ITPR1: variants seen among roughly 807,000 people sequenced by gnomAD.
The protein encoded by ITPR1 is inositol 1,4,5-trisphosphate-gated calcium channel ITPR1.
In ITPR1, 96 loss-of-function variants were observed where a neutral mutation model predicts 318.4. The ratio of observed to expected loss-of-function variants is 0.30; its 90% CI spans 0.26 to 0.36. The LOEUF (loss-of-function observed/expected upper bound fraction) is 0.36. Among genes scored for constraint, ITPR1 ranks in the 10% least tolerant of loss-of-function variants. The pLI, the probability that ITPR1 is intolerant of heterozygous loss-of-function variation, is 1.00. For synonymous variants in ITPR1, 1,312 were observed against 1,289.9 expected, an observed-to-expected ratio of 1.02 and a Z score of -0.37; for missense variants, 2,440 against 3,460.2, an observed-to-expected ratio of 0.71 and a Z score of 7.40.
At chr3:4,647,144 A>G (rs1232888241) in intron 10 of ITPR1, among the ~76,000 whole-genome samples, 1 of 152,092 alleles carries the variant, frequency 6.6e-6, no homozygotes, top group Non-Finnish European at 1.5e-5. Context: ...GGAGTCATAC[A>G]GTATACAGTC....
chr3:4,847,407 A>AAC lies in ITPR1; in HGVS notation c.*1183_*1184insCA, dbSNP rs1331751732. On this transcript the variant is annotated 3_prime_UTR_variant, in exon 62 of 62. Transcript: ENST00000649015. ...GAGAATCTCTCTGCAAAAAAAAAAA[A>AAC]AACAGTTTAAAAATGCATTGAAAGC... is the stretch of plus-strand genomic sequence containing the variant. 1.3e-4 allele frequency: 20 copies of AAC among 152,272 alleles called. No homozygotes were observed. Among genetic ancestry groups the AAC allele is most frequent in the Admixed American group, 9.8e-4 (15 of 15,248 alleles). The allele number at this position is 152,272 out of a possible 1,614,324, so 9.4% of individuals were successfully genotyped here.
intron 4 of ITPR1, among the ~76,000 whole-genome samples, chr3:4,527,126 A>G (rs1410590155): frequency 6.6e-6 from 1 of 152,118 alleles, no homozygotes; most frequent in Non-Finnish European, 1.5e-5. Flanking sequence ...CATGTGACTT[A>G]TGAGTGTCGT....
intron 59 of ITPR1, 107 bp downstream of exon 59, chr3:4,815,325 G>A (rs566823762): frequency 3.0e-6 from 3 of 1,005,894 alleles, no homozygotes; most frequent in East Asian, 2.6e-5. Flanking sequence ...AGTTATGCGG[G>A]AGGGGGCACC....
Position 4,847,199 on chromosome 3 carries a change from T to C in ITPR1, c.*974T>C, listed in dbSNP as rs1240984757. The C allele has an allele frequency of 6.6e-6, 1 of 152,614 alleles. No individual in the cohort carries two copies. Among genetic ancestry groups the C allele is most frequent in the Admixed American group, 6.5e-5 (1 of 15,270 alleles). The allele number at this position is 152,614 out of a possible 1,614,324, so 9.5% of individuals were successfully genotyped here. On this transcript the variant is annotated 3_prime_UTR_variant, in exon 62 of 62. Transcript: ENST00000649015. ...AGTATTAAAACTATATACATCCATA[T>C]AAAGATGAAATATGAACTATCTCAT... is the stretch of plus-strand genomic sequence containing the variant.
intron 46 of ITPR1, 123 bp from the exon 47 acceptor site, chr3:4,775,119 T>G (rs976559603): frequency 3.1e-5 from 24 of 762,294 alleles, no homozygotes; most frequent in Non-Finnish European, 4.9e-5. Context: ...TTCCATGCTC[T>G]CCCACGTGGC....
intron 4 of ITPR1, among the ~76,000 whole-genome samples, chr3:4,620,943 T>G (rs1437162935): frequency 6.6e-6 from 1 of 151,966 alleles, no homozygotes; most frequent in Non-Finnish European, 1.5e-5. Flanking sequence ...TCTGACACCT[T>G]TAAATAACTG....
chr3:4,789,260 C>T (rs78684797), intron 52 of ITPR1, among the ~76,000 whole-genome samples: 17 of 152,198 alleles, frequency 1.1e-4, no homozygotes, highest in African/African-American at 2.7e-4. Flanking sequence ...GCCAGGGGAC[C>T]ATTAGCAGAC....
chr3:4,539,435 G>T (rs891907879), intron 4 of ITPR1, among the ~76,000 whole-genome samples: 4 of 151,918 alleles, frequency 2.6e-5, no homozygotes, highest in African/African-American at 4.8e-5. Context: ...GAGTTTGTTG[G>T]TTTTTTTATC....
chr3:4,554,905 C>T (rs1436853050), intron 4 of ITPR1, among the ~76,000 whole-genome samples: 1 of 152,096 alleles, frequency 6.6e-6, no homozygotes, highest in Non-Finnish European at 1.5e-5. Flanking sequence ...AACTGTTGCT[C>T]ATATATCAAT....
At chr3:4,714,269 G>T (rs1001786491) in intron 39 of ITPR1, among the ~76,000 whole-genome samples, 1 of 152,160 alleles carries the variant, frequency 6.6e-6, no homozygotes, top group African/African-American at 2.4e-5. Context: ...TATAATAAAT[G>T]AGGTGTTCTT....
chr3:4,545,674 C>T (rs2084916875), intron 4 of ITPR1, among the ~76,000 whole-genome samples: 3 of 142,330 alleles, frequency 2.1e-5, no homozygotes, highest in South Asian at 4.5e-4. Flanking sequence ...GTGTTCATAT[C>T]ACGGCTAGTA....
intron 59 of ITPR1, 29 bp downstream of exon 59, chr3:4,815,247 G>T: frequency 6.2e-7 from 1 of 1,610,916 alleles, no homozygotes; most frequent in Non-Finnish European, 8.5e-7. Flanking sequence ...CTCCAGCAAG[G>T]GCGTGAAGGC....
intron 55 of ITPR1, 84 bp from the exon 56 acceptor site, chr3:4,811,181 T>A: frequency 4.2e-6 from 4 of 959,500 alleles, no homozygotes; most frequent in Non-Finnish European, 6.0e-6. Flanking sequence ...GGGCAAACTC[T>A]CTATAAACCA....
chr3:4,504,627 C>T (rs2081272165), intron 2 of ITPR1, among the ~76,000 whole-genome samples: 1 of 152,074 alleles, frequency 6.6e-6, no homozygotes, highest in Non-Finnish European at 1.5e-5. Flanking sequence ...AGGAGGGTGG[C>T]ATTATGTCCA....
chr3:4,546,250 T>A (rs2084985525), intron 4 of ITPR1, among the ~76,000 whole-genome samples: 2 of 152,154 alleles, frequency 1.3e-5, no homozygotes, highest in South Asian at 4.1e-4. Context: ...GCAGAAAGTG[T>A]CTTCTCCAGG....
chr3:4,775,219 AC>A, intron 46 of ITPR1, 22 bp from the exon 47 acceptor site: 2 of 1,585,258 alleles, frequency 1.3e-6, no homozygotes, highest in Non-Finnish European at 1.7e-6. Flanking sequence ...TGCTCACCGA[AC>A]CTGGGGACTA....
At chr3:4,820,270 A>G (rs1358870882) in intron 60 of ITPR1, among the ~76,000 whole-genome samples, 1 of 152,224 alleles carries the variant, frequency 6.6e-6, no homozygotes, top group African/African-American at 2.4e-5. Context: ...CTTAATGTCT[A>G]GAGGAGGCCT....
At chr3:4,576,743 A>G (rs1004658699) in intron 4 of ITPR1, among the ~76,000 whole-genome samples, 1 of 152,230 alleles carries the variant, frequency 6.6e-6, no homozygotes, top group African/African-American at 2.4e-5. Context: ...AAATGAAAAT[A>G]TAATTCTTGA....
At chr3:4,808,796 T>G (rs2048750668) in intron 55 of ITPR1, among the ~76,000 whole-genome samples, 1 of 152,018 alleles carries the variant, frequency 6.6e-6, no homozygotes, top group Non-Finnish European at 1.5e-5. Flanking sequence ...TTGGGAGAGC[T>G]CCCTCCATGC....
Sources: allele counts gnomAD v4.1 joint callset (sites outside exome capture counted in the v4.1 genomes callset), GRCh38; gene constraint gnomAD v4.1.1; transcripts MANE v1.5; gene names NCBI Gene and HGNC (gene_info 2026-07-23, HGNC 2026-07-21).